The following PTPRN2 variants were observed in gnomAD, a reference collection of about 807,000 sequenced individuals.
PTPRN2 encodes the protein protein tyrosine phosphatase receptor type N2, also known as receptor-type tyrosine-protein phosphatase N2.
Under a neutral mutation model 118.8 loss-of-function variants are expected in PTPRN2, and 74 were observed. The observed-to-expected ratio is 0.62, with a 90% confidence interval of 0.52 to 0.76. The LOEUF is 0.76. Among genes scored for constraint, PTPRN2 ranks in the 30% least tolerant of loss-of-function variants. PTPRN2 has a pLI of 0.00. For missense variants in PTPRN2, 1,481 were observed against 1,394.4 expected, an observed-to-expected ratio of 1.06 and a Z score of -0.99; for synonymous variants, 641 against 608.0, an observed-to-expected ratio of 1.05 and a Z score of -0.80.
At position 158,372,612 on chromosome 7, in the gene PTPRN2, AC is replaced by A. The variant is rs112073872; in HGVS notation, c.164-55681del. Among the ~76,000 whole-genome samples, 201 of 94,334 alleles carry A rather than the reference AC, an allele frequency of 2.1e-3. 2 individuals carry two copies. The highest frequency in any genetic ancestry group is 7.8e-3 in the African/African-American group (189 of 24,328). 61.9% of individuals were successfully genotyped at this position (94,334 alleles called of 152,430 possible). ...ACACTGGTCCCTAGAGCTGGTCCCCACCACGCTGGTCCCCGGAGCTGGTCCC... is the reference window on the plus strand; with the variant it reads ...ACACTGGTCCCTAGAGCTGGTCCCCACACGCTGGTCCCCGGAGCTGGTCCC... On this transcript the variant is annotated intron_variant, in intron 2 of 22. Transcript: ENST00000389418.
chr7:157,751,899 C>T (rs1801491774), intron 12 of PTPRN2, among the ~76,000 whole-genome samples: 2 of 152,116 alleles, frequency 1.3e-5, no homozygotes, highest in South Asian at 4.2e-4. Flanking sequence ...GTGAACACAT[C>T]TCCGCTTTTC....
chr7:157,572,265 T>C (rs1799792185), intron 19 of PTPRN2, among the ~76,000 whole-genome samples: 2 of 152,202 alleles, frequency 1.3e-5, no homozygotes, highest in Non-Finnish European at 2.9e-5. Context: ...CAGTGAACTA[T>C]TTCTGAATAA....
intron 11 of PTPRN2, among the ~76,000 whole-genome samples, chr7:158,016,977 G>T (rs1255811550): frequency 6.6e-6 from 1 of 152,134 alleles, no homozygotes; most frequent in South Asian, 2.1e-4. Flanking sequence ...ACACATCCTT[G>T]CAGGAAAGGA....
At chr7:157,650,301 C>T (rs889548665) in intron 14 of PTPRN2, among the ~76,000 whole-genome samples, 2 of 152,234 alleles carry the variant, frequency 1.3e-5, no homozygotes, top group South Asian at 2.1e-4. Flanking sequence ...CACCCCCACC[C>T]GCCGTGCTGG....
intron 3 of PTPRN2, among the ~76,000 whole-genome samples, chr7:158,214,574 C>A (rs1164742342): frequency 6.6e-6 from 1 of 152,124 alleles, no homozygotes; most frequent in Non-Finnish European, 1.5e-5. Context: ...CAACAAAGGC[C>A]AAATGGGGAT....
At chr7:157,961,559 G>C (rs947323788) in intron 11 of PTPRN2, among the ~76,000 whole-genome samples, 2 of 151,718 alleles carry the variant, frequency 1.3e-5, no homozygotes, top group Admixed American at 6.6e-5. Flanking sequence ...ATAAAAAGTC[G>C]ATTAAAACAA....
At chr7:158,166,107 C>T (rs144777671) in intron 6 of PTPRN2, among the ~76,000 whole-genome samples, 1,650 of 152,220 alleles carry the variant, frequency 0.011, 12 homozygotes, top group Middle Eastern at 0.024. Flanking sequence ...AAGCTGTGGG[C>T]CAGACCCGTC....
rs17853260 is a variant in PTPRN2, at chr7:157,604,005, G to T, written c.2415C>A (p.Pro805=). The change falls in exon 16 of 23, where the codon CCC becomes CCA. Residue 805 remains proline, a synonymous_variant. Coordinates refer to ENST00000389418, the MANE Select transcript of PTPRN2 (RefSeq NM_002847.5). The part of the protein sequence containing the change: ...HSHSDYINAS[P]IMDHDPRNPA... ...CCTGTCCCGGCAGTGCACTTACGAT[G>T]GGGCTAGCGTTGATGTAGTCTGAGT... 6.2e-7 allele frequency: 1 copy of T among 1,612,958 alleles called. No homozygotes were observed. Among genetic ancestry groups the T allele is most frequent in the African/African-American group, 1.3e-5 (1 of 74,896 alleles).
chr7:158,066,771 G>A (rs895063056), intron 11 of PTPRN2, among the ~76,000 whole-genome samples: 1 of 151,924 alleles, frequency 6.6e-6, no homozygotes, highest in African/African-American at 2.4e-5. Context: ...AAGGCTGGCA[G>A]GTGACTCTGG....
intron 11 of PTPRN2, among the ~76,000 whole-genome samples, chr7:158,071,747 CATGGTGGAGGTGCT>C (rs1811824615): frequency 1.3e-5 from 1 of 74,826 alleles, no homozygotes; most frequent in Non-Finnish European, 2.3e-5. Flanking sequence ...TGGAGGTGCT[CATGGTGGAGGTGCT>C]CGTGGTGATG....
chr7:157,909,360 G>A (rs1336599845), intron 11 of PTPRN2, among the ~76,000 whole-genome samples: 1 of 152,204 alleles, frequency 6.6e-6, no homozygotes, highest in Non-Finnish European at 1.5e-5. Flanking sequence ...CCCCTCGACA[G>A]CTGGACAGGG....
chr7:157,993,166 T>C (rs1204130179), intron 11 of PTPRN2, among the ~76,000 whole-genome samples: 2 of 152,174 alleles, frequency 1.3e-5, no homozygotes, highest in Non-Finnish European at 2.9e-5. Flanking sequence ...TCCCACAACA[T>C]ATTATGGGCG....
At chr7:157,901,656 C>T (rs1484532958) in intron 11 of PTPRN2, among the ~76,000 whole-genome samples, 1 of 152,252 alleles carries the variant, frequency 6.6e-6, no homozygotes, top group Non-Finnish European at 1.5e-5. Context: ...TGAGTGGATG[C>T]AAACTGTCCC....
At chr7:158,523,432 G>C (rs924798720) in intron 1 of PTPRN2, among the ~76,000 whole-genome samples, 2 of 130,848 alleles carry the variant, frequency 1.5e-5, no homozygotes, top group East Asian at 5.3e-4. Context: ...CCCTGAAGCG[G>C]AGTCTGCCCT....
intron 10 of PTPRN2, among the ~76,000 whole-genome samples, chr7:158,094,296 TG>T (rs574715940): frequency 1.3e-5 from 2 of 151,926 alleles, no homozygotes; most frequent in Non-Finnish European, 2.9e-5. Context: ...ACCCCATCTG[TG>T]TTTTTTCTGT....
At chr7:157,731,132 T>G (rs1799875543) in intron 12 of PTPRN2, among the ~76,000 whole-genome samples, 1 of 152,056 alleles carries the variant, frequency 6.6e-6, no homozygotes, top group Non-Finnish European at 1.5e-5. Flanking sequence ...ACCTCTGCGC[T>G]GCCCCCACTG....
chr7:158,086,036 A>G (rs1384204421), intron 10 of PTPRN2, among the ~76,000 whole-genome samples: 1 of 152,226 alleles, frequency 6.6e-6, no homozygotes, highest in Non-Finnish European at 1.5e-5. Flanking sequence ...CCTCACACAC[A>G]GAGCACTTCC....
chr7:157,650,522 G>C (rs973948310), intron 14 of PTPRN2, among the ~76,000 whole-genome samples: 3 of 152,204 alleles, frequency 2.0e-5, no homozygotes, highest in African/African-American at 4.8e-5. Flanking sequence ...TTACTCATCA[G>C]GCCTCCGCGC....
intron 12 of PTPRN2, among the ~76,000 whole-genome samples, chr7:157,768,909 A>G (rs1025077096): frequency 1.3e-5 from 2 of 152,172 alleles, no homozygotes; most frequent in Admixed American, 1.3e-4. Context: ...GGCGAAGTCG[A>G]CACACACATC....
Sources: gnomAD v4.1 joint callset for allele counts (sites outside exome capture counted in the v4.1 genomes callset) on GRCh38, gnomAD v4.1.1 for gene constraint, MANE v1.5 for transcripts, NCBI Gene and HGNC (gene_info 2026-07-23, HGNC 2026-07-21) for gene names.